SLIT2: variants seen among roughly 807,000 people sequenced by gnomAD.
The protein encoded by SLIT2 is slit homolog 2 protein.
Under a neutral mutation model 185.7 loss-of-function variants are expected in SLIT2, and 41 were observed. The observed-to-expected ratio is 0.22, with a 90% CI of 0.17 to 0.29. The LOEUF (loss-of-function observed/expected upper bound fraction) is 0.29, where lower values mean the gene tolerates loss of function less well. Ranked by LOEUF, SLIT2 falls within the 10% of genes least tolerant of loss-of-function variation. The pLI is 1.00. For synonymous variants in SLIT2, 693 were observed against 680.2 expected, an observed-to-expected ratio of 1.02 and a Z score of -0.29; for missense variants, 1,571 against 1,909.0, an observed-to-expected ratio of 0.82 and a Z score of 3.30.
intron 4 of SLIT2, among the ~76,000 whole-genome samples, chr4:20,463,489 A>ATG (rs1207095170): frequency 4.8e-4 from 48 of 99,968 alleles, no homozygotes; most frequent in East Asian, 1.8e-3. Context: ...ATATATATAT[A>ATG]TATGTGTGTG....
chr4:20,539,412 C>G (rs932933492), intron 18 of SLIT2, 29 bp from the exon 19 acceptor site: 5 of 1,602,288 alleles, frequency 3.1e-6, no homozygotes, highest in Non-Finnish European at 3.4e-6. Context: ...TGCTTTGTCT[C>G]CATAACAATG....
intron 21 of SLIT2, among the ~76,000 whole-genome samples, chr4:20,544,004 T>G (rs917887168): frequency 5.3e-5 from 8 of 151,846 alleles, no homozygotes; most frequent in Non-Finnish European, 1.2e-4. Flanking sequence ...ATGGGGAACA[T>G]CACACACCGG....
chr4:20,468,163 TG>T (rs1301087701), intron 5 of SLIT2, among the ~76,000 whole-genome samples: 1 of 152,144 alleles, frequency 6.6e-6, no homozygotes, highest in African/African-American at 2.4e-5. Context: ...CAGTTGCTGT[TG>T]GTGTTTATTA....
intron 4 of SLIT2, among the ~76,000 whole-genome samples, chr4:20,444,574 C>T (rs1711557013): frequency 6.6e-6 from 1 of 152,132 alleles, no homozygotes; most frequent in South Asian, 2.1e-4. Flanking sequence ...AAACAGAGAA[C>T]ATTTTGACCG....
At chr4:20,404,655 A>G (rs1032174947) in intron 4 of SLIT2, among the ~76,000 whole-genome samples, 1 of 152,036 alleles carries the variant, frequency 6.6e-6, no homozygotes, top group Non-Finnish European at 1.5e-5. Flanking sequence ...ACAAGGGGAA[A>G]TCTTGCCCAG....
At position 20,524,189 on chromosome 4, in the gene SLIT2, A is replaced by G. The variant is rs781363572; in HGVS notation, c.1438+12A>G. 6.8e-6 allele frequency: 11 copies of G among 1,613,318 alleles called. No homozygotes were observed. The highest frequency in any genetic ancestry group is 9.3e-6 in the Non-Finnish European group (11 of 1,179,422). Reference sequence around the variant, plus strand: ...ATTCCGTTGTTCAGGTAATTTCTTCACGTGTTATTTCCCCTGTGACCAACA... The same window carrying G: ...ATTCCGTTGTTCAGGTAATTTCTTCGCGTGTTATTTCCCCTGTGACCAACA... On this transcript the variant is annotated intron_variant, in intron 14 of 36. Coordinates refer to ENST00000504154, the MANE Select transcript of SLIT2 (RefSeq NM_004787.4).
chr4:20,540,111 C>T (rs1479067793), intron 19 of SLIT2, among the ~76,000 whole-genome samples: 2 of 151,830 alleles, frequency 1.3e-5, no homozygotes, highest in African/African-American at 4.8e-5. Context: ...TGGCGAATCC[C>T]TGTGTTTACT....
At chr4:20,286,593 G>A (rs1276694811) in intron 4 of SLIT2, among the ~76,000 whole-genome samples, 2 of 152,136 alleles carry the variant, frequency 1.3e-5, no homozygotes, top group African/African-American at 4.8e-5. Context: ...CTGAAGTCAG[G>A]AGTTCGAGAC....
chr4:20,367,904 G>A (rs1214772884), intron 4 of SLIT2, among the ~76,000 whole-genome samples: 1 of 152,064 alleles, frequency 6.6e-6, no homozygotes, highest in Non-Finnish European at 1.5e-5. Flanking sequence ...ATAGGGCTTG[G>A]GGCTCATTTC....
intron 16 of SLIT2, among the ~76,000 whole-genome samples, 156 bp downstream of exon 16, chr4:20,529,255 A>T (rs1721573366): frequency 6.6e-6 from 1 of 152,228 alleles, no homozygotes; most frequent in Admixed American, 6.5e-5. Context: ...ACAAGAATAT[A>T]TTAGAGGCTA....
At chr4:20,291,999 G>A (rs1716000166) in intron 4 of SLIT2, among the ~76,000 whole-genome samples, 1 of 151,628 alleles carries the variant, frequency 6.6e-6, no homozygotes, top group South Asian at 2.1e-4. Context: ...AGAGGAGAAT[G>A]GATAGACTAT....
chr4:20,479,862 G>A (rs79060232), intron 5 of SLIT2, among the ~76,000 whole-genome samples: 1 of 152,260 alleles, frequency 6.6e-6, no homozygotes, highest in East Asian at 1.9e-4. Flanking sequence ...GAATTTCACT[G>A]ATACAGCTTT....
In SLIT2 at chr4:20,610,052, A is replaced by G. The variant is rs144414474; in HGVS notation, c.3732A>G (p.Glu1244=). ...ATGATGGAAACTTCCACATTGTGGA[A>G]CTACTTGCCTTGGATCAGAGTCTCT... is the stretch of plus-strand genomic sequence containing the variant. ...TINDGNFHIV[E]LLALDQSLSL... The change falls in exon 34 of 37, where the codon GAA becomes GAG. Residue 1244 remains glutamate, a synonymous_variant. Coordinates refer to ENST00000504154, the MANE Select transcript of SLIT2 (RefSeq NM_004787.4). 7 of 1,613,568 alleles carry G rather than the reference A, an allele frequency of 4.3e-6. No homozygotes were observed. The East Asian group carries it at 1.6e-4, about 36-fold the overall frequency.
At chr4:20,349,306 T>G (rs1420304842) in intron 4 of SLIT2, among the ~76,000 whole-genome samples, 1 of 152,150 alleles carries the variant, frequency 6.6e-6, no homozygotes, top group Non-Finnish European at 1.5e-5. Context: ...TGAAGAAAAT[T>G]AATATTTTTG....
chr4:20,598,795 A>G (rs1728183109), intron 33 of SLIT2, among the ~76,000 whole-genome samples: 1 of 152,202 alleles, frequency 6.6e-6, no homozygotes, highest in Non-Finnish European at 1.5e-5. Flanking sequence ...TAAGTTCTCA[A>G]GGAAACAACC....
In SLIT2 at chr4:20,491,852, A is replaced by G. The variant is rs2148797674; in HGVS notation, c.867A>G (p.Lys289=). The G allele has an allele frequency of 2.5e-6, 4 of 1,613,900 alleles. No individual in the cohort carries two copies. In the East Asian group the frequency reaches 6.7e-5, roughly 27 times the overall value. Residue 289 remains lysine (K), a synonymous_variant, in exon 9 of 37, where the codon AAA becomes AAG. Transcript: ENST00000504154. ...CSNNIVDCRG[K]GLTEIPTNLP... ...ACAATATCGTAGACTGTCGTGGGAA[A>G]GGTCTCACTGAGATCCCCACAAATC... is the stretch of plus-strand genomic sequence containing the variant.
chr4:20,519,959 G>A (rs1720676125), intron 12 of SLIT2, among the ~76,000 whole-genome samples: 1 of 149,976 alleles, frequency 6.7e-6, no homozygotes, highest in South Asian at 2.1e-4. Context: ...GCGTGAACCA[G>A]GGAGGTGGAG....
At chr4:20,518,807 TG>T (rs1208615311) in intron 11 of SLIT2, among the ~76,000 whole-genome samples, 2 of 145,670 alleles carry the variant, frequency 1.4e-5, no homozygotes, top group Non-Finnish European at 3.0e-5. Context: ...GGGGTTTCAC[TG>T]TGTTAGCCAG....
intron 4 of SLIT2, among the ~76,000 whole-genome samples, chr4:20,364,633 A>G (rs1367204598): frequency 2.6e-5 from 4 of 152,032 alleles, no homozygotes; most frequent in Non-Finnish European, 5.9e-5. Context: ...TTTTTAGAAA[A>G]ACTTGATCCA....
Sources: allele counts gnomAD v4.1 joint callset (sites outside exome capture counted in the v4.1 genomes callset), GRCh38; gene constraint gnomAD v4.1.1; transcripts MANE v1.5; gene names NCBI Gene and HGNC (gene_info 2026-07-23, HGNC 2026-07-21).